KDM5C: variants seen among roughly 807,000 people sequenced by gnomAD.
The protein encoded by KDM5C is lysine demethylase 5C.
In KDM5C, 16 loss-of-function variants were observed where a neutral mutation model predicts 110.6. That is an observed-to-expected ratio of 0.14 (90% CI 0.10 to 0.22). The LOEUF is 0.22. Ranked by LOEUF, KDM5C falls within the 10% of genes least tolerant of loss-of-function variation. KDM5C has a pLI of 1.00. For missense variants in KDM5C, 681 were observed against 1,300.9 expected, an observed-to-expected ratio of 0.52 and a Z score of 7.33; for synonymous variants, 511 against 520.4, an observed-to-expected ratio of 0.98 and a Z score of 0.24.
chrX:53,198,703 A>G, intron 16 of KDM5C, 61 bp downstream of exon 16: 1 of 1,211,231 alleles, frequency 8.3e-7, no homozygotes, highest in Middle Eastern at 2.3e-4. Flanking sequence ...AGGGGGTCAG[A>G]GTACAGAAGA....
chrX:53,194,307 G>T lies in KDM5C; in HGVS notation c.3870C>A (p.Gly1290=). 8.3e-7 allele frequency: 1 copy of T among 1,212,121 alleles called. No individual in the cohort carries two copies. Among genetic ancestry groups the T allele is most frequent in the Admixed American group, 2.2e-5 (1 of 46,158 alleles). Residue 1290 remains glycine, a synonymous_variant, in exon 23 of 26, where the codon GGC becomes GGA. Transcript: ENST00000375401. The part of the protein sequence containing the change: ...CLTERAISWQ[G]RARQALASED... ...CAGAGGCCAGAGCCTGCCTGGCGCG[G>T]CCTTGCCAGCTGATGGCCCTCTCTG...
At chrX:53,185,653 T>TCTC (rs782564280) in intron 25 of KDM5C, among the ~76,000 whole-genome samples, 3,673 of 111,338 alleles carry the variant, frequency 0.033, 65 homozygotes, top group Middle Eastern at 0.089. Context: ...AGAAGTTGGG[T>TCTC]CTCGTTCTTA....
chrX:53,188,065 AC>A (rs1274240260), downstream of KDM5C, among the ~76,000 whole-genome samples: 4 of 111,868 alleles, frequency 3.6e-5, no homozygotes, highest in African/African-American at 1.3e-4. Context: ...TTACAAAAAA[AC>A]AATTGTCTCA....
At chrX:53,197,678 A>C (rs2072998185) in intron 18 of KDM5C, 93 bp downstream of exon 18, 1 of 709,114 alleles carries the variant, frequency 1.4e-6, no homozygotes, top group South Asian at 2.3e-5. Flanking sequence ...GTCTTGCCTG[A>C]ACACTTTAAG....
In KDM5C at chrX:53,197,760, A is replaced by G. The variant is rs1372026876; in HGVS notation, c.2622+11T>C. 2 of 1,182,571 alleles carry G rather than the reference A, an allele frequency of 1.7e-6. No homozygotes were observed. Among genetic ancestry groups the G allele is most frequent in the African/African-American group, 3.5e-5 (2 of 56,557 alleles). ...CCCTTGATCCCTCATCAGCACTCCAAGCGTCCTCACCTTGACATCCCCAAT... is the reference window on the plus strand; with the variant it reads ...CCCTTGATCCCTCATCAGCACTCCAGGCGTCCTCACCTTGACATCCCCAAT... On this transcript the variant is annotated intron_variant, in intron 18 of 25. Coordinates refer to ENST00000375401, the MANE Select transcript of KDM5C (RefSeq NM_004187.5).
At chrX:53,217,515 A>C (rs991668656) in intron 4 of KDM5C, among the ~76,000 whole-genome samples, 4 of 111,219 alleles carry the variant, frequency 3.6e-5, no homozygotes, top group Non-Finnish European at 7.5e-5. Context: ...CATCTCCCCA[A>C]CTAAATCAGA....
At chrX:53,222,361 CAA>C (rs5902515) in intron 1 of KDM5C, among the ~76,000 whole-genome samples, 6 of 66,686 alleles carry the variant, frequency 9.0e-5, no homozygotes, top group Admixed American at 1.7e-4. Context: ...TAAGCAGGGA[CAA>C]AAAAAAAAAA....
chrX:53,190,221 G>C (rs944456031), downstream of KDM5C, among the ~76,000 whole-genome samples: 7 of 112,610 alleles, frequency 6.2e-5, no homozygotes, highest in African/African-American at 2.3e-4. Context: ...CTCTGGAAGA[G>C]GTTAGATTTG....
intron 12 of KDM5C, among the ~76,000 whole-genome samples, chrX:53,204,743 G>A (rs782072177): frequency 1.8e-5 from 2 of 111,576 alleles, no homozygotes; most frequent in South Asian, 3.7e-4. Context: ...TGATCCACCC[G>A]CCTCGGCCTC....
downstream of KDM5C, chrX:53,191,355 C>T (rs1934409600): frequency 5.8e-6 from 1 of 172,571 alleles, no homozygotes; most frequent in South Asian, 3.1e-4. Flanking sequence ...TGTAAAATGT[C>T]CAGAATAGGC....
chrX:53,185,736 A>G (rs1556827942), intron 25 of KDM5C, among the ~76,000 whole-genome samples: 2 of 111,643 alleles, frequency 1.8e-5, no homozygotes, highest in Non-Finnish European at 3.8e-5. Context: ...ATAATTAAGG[A>G]TAGTTTCCCT....
chrX:53,209,021 C>T (rs1196438411), intron 12 of KDM5C, among the ~76,000 whole-genome samples: 3 of 106,069 alleles, frequency 2.8e-5, no homozygotes, highest in East Asian at 3.0e-4. Context: ...TTCACCGTGT[C>T]GGCCAAGCTG....
chrX:53,219,042 A>T (rs2073828001), intron 2 of KDM5C, among the ~76,000 whole-genome samples: 1 of 112,795 alleles, frequency 8.9e-6, no homozygotes, highest in Non-Finnish European at 1.9e-5. Flanking sequence ...AGAGGCTCAG[A>T]GGAGTTAGGA....
intron 25 of KDM5C, among the ~76,000 whole-genome samples, chrX:53,184,682 G>A (rs1389029179): frequency 8.9e-6 from 1 of 112,103 alleles, no homozygotes; most frequent in Non-Finnish European, 1.9e-5. Context: ...TGGCCAAGAC[G>A]TATCCTACTT....
downstream of KDM5C, among the ~76,000 whole-genome samples, chrX:53,191,064 A>AGAAT (rs782182823): frequency 1.1e-4 from 12 of 111,866 alleles, no homozygotes; most frequent in Admixed American, 2.8e-4. Context: ...AAGACCACAA[A>AGAAT]GAATGGTTCT....
chrX:53,180,544 T>C (rs964409459), intron 25 of KDM5C, among the ~76,000 whole-genome samples: 1 of 109,330 alleles, frequency 9.1e-6, no homozygotes, highest in South Asian at 4.0e-4. Context: ...ATACATACTT[T>C]CCACTCAATT....
In KDM5C at chrX:53,201,757, T is replaced by C. The variant is rs1556841903; in HGVS notation, c.1867-13A>G. The C allele has an allele frequency of 8.3e-7, 1 of 1,211,626 alleles. No individual in the cohort carries two copies. Among genetic ancestry groups the C allele is most frequent in the South Asian group, 1.8e-5 (1 of 56,963 alleles). On this transcript the variant is annotated splice_polypyrimidine_tract_variant and intron_variant, in intron 13 of 25. Transcript: ENST00000375401. ...GCCCAGCAGGCAACTGTGGGCAGGT[T>C]CAAGGTTGAGTGTGGCCAAGTCTGG...
At chrX:53,213,259 C>T (rs941865853) in intron 8 of KDM5C, among the ~76,000 whole-genome samples, 25 of 111,752 alleles carry the variant, frequency 2.2e-4, no homozygotes, top group Non-Finnish European at 7.5e-5. Context: ...CAAGTAGAGT[C>T]GACAGTCTTG....
At chrX:53,218,145 G>T in intron 3 of KDM5C, 131 bp downstream of exon 3, 1 of 901,430 alleles carries the variant, frequency 1.1e-6, no homozygotes, top group Non-Finnish European at 1.6e-6. Flanking sequence ...TCTGATGACA[G>T]CTTGTGTGCT....
Sources: allele counts gnomAD v4.1 joint callset (sites outside exome capture counted in the v4.1 genomes callset), GRCh38; gene constraint gnomAD v4.1.1; transcripts MANE v1.5; gene names NCBI Gene and HGNC (gene_info 2026-07-23, HGNC 2026-07-21).